Variants in EMP2 observed in about 807,000 individuals in gnomAD.
The protein encoded by EMP2 is epithelial membrane protein 2.
In EMP2, 19 loss-of-function variants were observed where a neutral mutation model predicts 13.7. That is an observed-to-expected ratio of 1.38 (90% confidence interval 0.97 to 2.03). The LOEUF (loss-of-function observed/expected upper bound fraction) is 2.03, where lower values mean the gene tolerates loss of function less well. Ranked by LOEUF, EMP2 falls within the 30% of genes most tolerant of loss-of-function variation. The pLI, the probability that EMP2 is intolerant of heterozygous loss-of-function variation, is 0.00. For missense variants in EMP2, 253 were observed against 220.7 expected, an observed-to-expected ratio of 1.15 and a Z score of -0.93; for synonymous variants, 97 against 84.7, an observed-to-expected ratio of 1.15 and a Z score of -0.80.
chr16:10,562,060 C>T (rs1006237356), intron 1 of EMP2, among the ~76,000 whole-genome samples: 1 of 152,156 alleles, frequency 6.6e-6, no homozygotes, highest in African/African-American at 2.4e-5. Context: ...GGACACCCCA[C>T]CTCATTCTGT....
intron 3 of EMP2, 81 bp from the exon 4 acceptor site, chr16:10,538,155 C>G: frequency 6.5e-7 from 1 of 1,549,142 alleles, no homozygotes; most frequent in Non-Finnish European, 8.8e-7. Flanking sequence ...GCAGCAGCTC[C>G]AGAGTAGGTG....
chr16:10,574,444 T>G (rs1391856187), intron 1 of EMP2, among the ~76,000 whole-genome samples: 2 of 151,980 alleles, frequency 1.3e-5, no homozygotes, highest in African/African-American at 4.8e-5. Context: ...CCCCCCCTCA[T>G]CCCTCCCTGC....
intron 3 of EMP2, among the ~76,000 whole-genome samples, chr16:10,541,017 G>A (rs146737436): frequency 3.9e-5 from 6 of 152,098 alleles, no homozygotes; most frequent in African/African-American, 7.2e-5. Flanking sequence ...GAACCTGGGG[G>A]GCAGAGGTTA....
chr16:10,539,234 T>G (rs2050675117), intron 3 of EMP2, among the ~76,000 whole-genome samples: 1 of 147,084 alleles, frequency 6.8e-6, no homozygotes, highest in African/African-American at 2.4e-5. Context: ...AGGACACACC[T>G]TCCTTTTCTT....
chr16:10,543,598 A>T lies in EMP2; in HGVS notation c.141T>A (p.Asn47Lys). Reference protein sequence around the residue: ...DVWRICTNNTNCTVINDSFQE... With the variant: ...DVWRICTNNTKCTVINDSFQE... ...GAAAGCTGTCATTGATGACTGTGCA[A>T]TTCGTGTTGTTGGTACATATTCTCC... is the stretch of plus-strand genomic sequence containing the variant. Residue 47 changes from asparagine to lysine, a missense_variant, in exon 3 of 5, where the codon AAT (asparagine) becomes AAA (lysine). Physicochemically the swap from Asn to Lys is moderately conservative, Grantham distance 94. Coordinates refer to ENST00000359543, the MANE Select transcript of EMP2 (RefSeq NM_001424.6). 3.1e-6 allele frequency: 5 copies of T among 1,614,192 alleles called. No homozygotes were observed. The highest frequency in any genetic ancestry group is 4.2e-6 in the Non-Finnish European group (5 of 1,180,014).
intron 4 of EMP2, among the ~76,000 whole-genome samples, chr16:10,535,715 A>G (rs2050641933): frequency 6.6e-6 from 1 of 151,940 alleles, no homozygotes; most frequent in Non-Finnish European, 1.5e-5. Flanking sequence ...AAGTCCCCCC[A>G]CCCCAAGTTA....
chr16:10,532,013 G>A lies in EMP2; in HGVS notation c.*892C>T, dbSNP rs546426003. On this transcript the variant is annotated 3_prime_UTR_variant, in exon 5 of 5. Transcript: ENST00000359543. ...GGAGGCCAAGGTTTTGGCCTGCTGTGGGGGTTGCATTCACCTCCCCATCTC... is the reference window on the plus strand; with the variant it reads ...GGAGGCCAAGGTTTTGGCCTGCTGTAGGGGTTGCATTCACCTCCCCATCTC... The A allele has an allele frequency of 6.5e-6, 1 of 154,900 alleles. No homozygotes were observed. The highest frequency in any genetic ancestry group is 1.9e-4 in the East Asian group (1 of 5,158). The allele number at this position is 154,900 out of a possible 1,614,324, so 9.6% of individuals were successfully genotyped here. A position where few individuals can be genotyped will look rare whatever the true frequency, so the allele number is the denominator to read the frequency against.
chr16:10,531,693 T>A lies in EMP2; in HGVS notation c.*1212A>T, dbSNP rs1057236222. On this transcript the variant is annotated 3_prime_UTR_variant, in exon 5 of 5. Coordinates refer to ENST00000359543, the MANE Select transcript of EMP2 (RefSeq NM_001424.6). ...GGCCATGAGCCCTAGGAGGAGATTG[T>A]CTCTAGAGGGTATCCCCTGTGCCTG... is the stretch of plus-strand genomic sequence containing the variant. 2 of 152,702 alleles carry A rather than the reference T, an allele frequency of 1.3e-5. No individual in the cohort carries two copies. The highest frequency in any genetic ancestry group is 4.8e-5 in the African/African-American group (2 of 41,456). The allele number at this position is 152,702 out of a possible 1,614,324, so 9.5% of individuals were successfully genotyped here.
intron 3 of EMP2, among the ~76,000 whole-genome samples, chr16:10,540,867 C>T (rs1411338000): frequency 1.3e-5 from 2 of 152,082 alleles, no homozygotes; most frequent in Admixed American, 6.6e-5. Context: ...GTGGGAGAAT[C>T]GCTTGAGCTC....
rs1340703014 is a variant in EMP2 at position 10,528,910 on chromosome 16, C to T, written c.*3995G>A. ...TCTAGGTTTCTTCATCATCAGTGAA[C>T]ACAGAGCGTCCTAGAGCGCCAGCCT... On this transcript the variant is annotated 3_prime_UTR_variant, in exon 5 of 5. Transcript: ENST00000359543. The T allele has an allele frequency of 1.3e-5, 2 of 152,160 alleles. No individual in the cohort carries two copies. Among genetic ancestry groups the T allele is most frequent in the Non-Finnish European group, 2.9e-5 (2 of 68,034 alleles). The allele number at this position is 152,160 out of a possible 1,614,324, so 9.4% of individuals were successfully genotyped here. A position where few individuals can be genotyped will look rare whatever the true frequency, so the allele number is the denominator to read the frequency against.
chr16:10,538,654 G>C (rs184368150), intron 3 of EMP2, among the ~76,000 whole-genome samples: 2 of 152,246 alleles, frequency 1.3e-5, no homozygotes, highest in Admixed American at 1.3e-4. Flanking sequence ...TTGGGGCTCA[G>C]TACAGAGAAG....
chr16:10,537,996 A>G lies in EMP2; in HGVS notation c.248T>C (p.Val83Ala). 1 of 1,614,158 alleles carries G rather than the reference A, an allele frequency of 6.2e-7. No homozygotes were observed. The highest frequency in any genetic ancestry group is 2.2e-5 in the East Asian group (1 of 44,872). The change falls in exon 4 of 5, where the codon GTG becomes GCG. Residue 83 changes from valine (V) to alanine (A), a missense_variant. Transcript: ENST00000359543. ...CTGCTTCAGGCGGAAGAGCTGGAGC[A>G]CGAAGATGAAGAAGGCGATGCAGCA... ...ILCCIAFFIF[V>A]LQLFRLKQGE...
chr16:10,576,174 C>T (rs897076439), intron 1 of EMP2, among the ~76,000 whole-genome samples: 3 of 151,790 alleles, frequency 2.0e-5, no homozygotes, highest in Non-Finnish European at 4.4e-5. Context: ...ACATTTTTTC[C>T]CCCAATACCA....
intron 4 of EMP2, among the ~76,000 whole-genome samples, chr16:10,535,484 C>T (rs552216920): frequency 1.3e-5 from 2 of 152,014 alleles, no homozygotes; most frequent in Non-Finnish European, 2.9e-5. Flanking sequence ...CTCGGAATCC[C>T]AACACTTTGA....
At chr16:10,556,896 A>G (rs144332309) in intron 1 of EMP2, among the ~76,000 whole-genome samples, 97 of 152,292 alleles carry the variant, frequency 6.4e-4, no homozygotes, top group Middle Eastern at 3.4e-3. Flanking sequence ...CCATGCAGCA[A>G]CCTAATTAAG....
intron 3 of EMP2, among the ~76,000 whole-genome samples, chr16:10,542,981 G>A (rs944631999): frequency 9.2e-5 from 14 of 152,204 alleles, no homozygotes; most frequent in African/African-American, 3.4e-4. Flanking sequence ...CAGTGGCTGG[G>A]ATTACAGGCG....
intron 1 of EMP2, among the ~76,000 whole-genome samples, chr16:10,570,589 G>A (rs1050324570): frequency 6.6e-6 from 1 of 152,072 alleles, no homozygotes; most frequent in Non-Finnish European, 1.5e-5. Flanking sequence ...GTAGAAACAG[G>A]GTTTCTTTAC....
chr16:10,569,214 G>C (rs1248748535), intron 1 of EMP2, among the ~76,000 whole-genome samples: 1 of 152,198 alleles, frequency 6.6e-6, no homozygotes, highest in African/African-American at 2.4e-5. Flanking sequence ...TAGGCCCTCA[G>C]TGTCAATCAC....
At chr16:10,558,146 C>T (rs993211649) in intron 1 of EMP2, among the ~76,000 whole-genome samples, 6 of 152,014 alleles carry the variant, frequency 3.9e-5, no homozygotes, top group African/African-American at 1.5e-4. Context: ...CCTCCTGCCT[C>T]AGCCTCCCCA....
Sources: gnomAD v4.1 joint callset for allele counts (sites outside exome capture counted in the v4.1 genomes callset) on GRCh38, gnomAD v4.1.1 for gene constraint, MANE v1.5 for transcripts, NCBI Gene and HGNC (gene_info 2026-07-23, HGNC 2026-07-21) for gene names.